The following RIMBP2 variants were observed in gnomAD, a reference collection of about 807,000 sequenced individuals.
RIMBP2 encodes the protein RIMS-binding protein 2.
A neutral mutation model predicts 118.6 loss-of-function variants in RIMBP2; 48 were observed. That is an observed-to-expected ratio of 0.40 (90% confidence interval 0.32 to 0.51). The LOEUF is 0.51. Among genes scored for constraint, RIMBP2 ranks in the 20% least tolerant of loss-of-function variants. The pLI is 0.41. For synonymous variants in RIMBP2, 762 were observed against 742.9 expected (o/e 1.03, Z -0.42); for missense variants, 1,551 against 1,768.3 (o/e 0.88, Z 2.20).
At chr12:130,586,149 G>A (rs1052583989) in intron 2 of RIMBP2, among the ~76,000 whole-genome samples, 2 of 152,160 alleles carry the variant, frequency 1.3e-5, no homozygotes, top group Non-Finnish European at 2.9e-5. Flanking sequence ...CTTCCCTCAG[G>A]AGAATTTATA....
intron 1 of RIMBP2, among the ~76,000 whole-genome samples, chr12:130,628,739 G>C (rs1488218498): frequency 2.0e-5 from 3 of 152,286 alleles, no homozygotes; most frequent in Non-Finnish European, 2.9e-5. Flanking sequence ...GTGACTCCTT[G>C]AGTAGACCAT....
chr12:130,676,338 A>C (rs1265906055), intron 1 of RIMBP2, among the ~76,000 whole-genome samples: 1 of 132,754 alleles, frequency 7.5e-6, no homozygotes, highest in East Asian at 2.3e-4. Flanking sequence ...AAAAAAAAAA[A>C]CGGGGGCCAG....
At chr12:130,552,117 C>T (rs12580573) in intron 2 of RIMBP2, among the ~76,000 whole-genome samples, 11,459 of 152,246 alleles carry the variant, frequency 0.075, 608 homozygotes, top group South Asian at 0.16. Context: ...GATGCTAAGG[C>T]ATGGCAGACA....
At chr12:130,515,649 G>A (rs1288546938) in intron 3 of RIMBP2, among the ~76,000 whole-genome samples, 1 of 150,668 alleles carries the variant, frequency 6.6e-6, no homozygotes, top group African/African-American at 2.4e-5. Context: ...CCACCTTTTG[G>A]CTACTATAAA....
chr12:130,622,103 G>A lies in RIMBP2; in HGVS notation c.-217+6219C>T, dbSNP rs936317693. On this transcript the variant is annotated intron_variant, in intron 2 of 22. Transcript: ENST00000690449. The surrounding 1 kb of genome is among the most constrained non-coding windows in gnomAD (Gnocchi z 8.5). Reference sequence around the variant, plus strand: ...AGAGCCATTTTAACTAGACATTTCCGCACAAATAAAATTAGGCCGAGACAG... The same window carrying A: ...AGAGCCATTTTAACTAGACATTTCCACACAAATAAAATTAGGCCGAGACAG... Among the ~76,000 whole-genome samples the A allele has an allele frequency of 8.5e-5, 13 of 152,160 alleles. No individual in the cohort carries two copies. Among genetic ancestry groups the A allele is most frequent in the Admixed American group, 1.3e-4 (2 of 15,282 alleles).
intron 1 of RIMBP2, among the ~76,000 whole-genome samples, chr12:130,674,228 T>C (rs1022633791): frequency 1.3e-5 from 2 of 152,212 alleles, no homozygotes; most frequent in Non-Finnish European, 1.5e-5. Context: ...GCTCCAGCCA[T>C]GTAAGACATG....
chr12:130,549,926 T>C (rs569176294), intron 2 of RIMBP2, among the ~76,000 whole-genome samples: 1 of 152,010 alleles, frequency 6.6e-6, no homozygotes, highest in African/African-American at 2.4e-5. Flanking sequence ...CTTTGAGGAG[T>C]CGCCATACTG....
intron 4 of RIMBP2, among the ~76,000 whole-genome samples, chr12:130,486,810 C>A (rs1046135754): frequency 1.3e-5 from 2 of 152,146 alleles, no homozygotes; most frequent in Non-Finnish European, 1.5e-5. Flanking sequence ...CCTCATCTCT[C>A]CCCTAGACTA....
At chr12:130,646,129 CTCCACCTCCCTCACCACCTG>C (rs2062901612) in intron 1 of RIMBP2, among the ~76,000 whole-genome samples, 1 of 109,780 alleles carries the variant, frequency 9.1e-6, no homozygotes, top group African/African-American at 3.1e-5. Context: ...CCACCTGCCT[CTCCACCTCCCTCACCACCTG>C]CCTCTCCACC....
chr12:130,571,959 A>G (rs2057703711), intron 2 of RIMBP2, among the ~76,000 whole-genome samples: 2 of 152,154 alleles, frequency 1.3e-5, no homozygotes, highest in Admixed American at 1.3e-4. Flanking sequence ...CTGCACTCAG[A>G]TGGTCGGCCT....
chr12:130,622,385 C>T lies in RIMBP2; in HGVS notation c.-217+5937G>A, dbSNP rs1305193886. Among the ~76,000 whole-genome samples the T allele has an allele frequency of 6.6e-6, 1 of 152,146 alleles. No individual in the cohort carries two copies. The highest frequency in any genetic ancestry group is 2.4e-5 in the African/African-American group (1 of 41,444). On this transcript the variant is annotated intron_variant, in intron 2 of 22. Coordinates refer to ENST00000690449, the MANE Select transcript of RIMBP2 (RefSeq NM_001393629.1). The surrounding 1 kb of genome is among the most constrained non-coding windows in gnomAD (Gnocchi z 8.5). The stretch of plus-strand genomic sequence containing the variant: ...TACATAATTATATTGAAAAAGGAAA[C>T]TACATATAACACAAAACTGTTGGTT...
intron 2 of RIMBP2, among the ~76,000 whole-genome samples, chr12:130,544,395 T>C (rs1216918711): frequency 6.6e-6 from 1 of 152,206 alleles, no homozygotes; most frequent in African/African-American, 2.4e-5. Flanking sequence ...AGCCTGATCC[T>C]ACTCATTGAT....
chr12:130,682,258 G>A (rs148812988), intron 1 of RIMBP2, among the ~76,000 whole-genome samples: 9 of 152,116 alleles, frequency 5.9e-5, no homozygotes, highest in African/African-American at 1.2e-4. Flanking sequence ...AGAGAGCCTC[G>A]TCTGCTCTCC....
At chr12:130,535,377 T>C (rs1011497283) in intron 2 of RIMBP2, among the ~76,000 whole-genome samples, 4 of 151,874 alleles carry the variant, frequency 2.6e-5, no homozygotes, top group African/African-American at 9.7e-5. Context: ...TAGCAGGGCA[T>C]GGTGGCACAC....
intron 1 of RIMBP2, among the ~76,000 whole-genome samples, chr12:130,655,150 G>A (rs1033723978): frequency 1.3e-5 from 2 of 152,216 alleles, no homozygotes; most frequent in Non-Finnish European, 2.9e-5. Context: ...TCTACAGGGA[G>A]AGAATGGGGT....
Position 130,683,042 on chromosome 12 carries a change from G to A in RIMBP2, c.-352+33180C>T, listed in dbSNP as rs1043488892. Among the ~76,000 whole-genome samples, 16 of 152,174 alleles carry A rather than the reference G, an allele frequency of 1.1e-4. No individual in the cohort carries two copies. Among genetic ancestry groups the A allele is most frequent in the East Asian group, 3.8e-4 (2 of 5,202 alleles). ...ATTCTTTTATCTTTAAGGTGAGGTCGTAGTAGTTGAATAGTGCCTTCCCCA... is the reference window on the plus strand; with the variant it reads ...ATTCTTTTATCTTTAAGGTGAGGTCATAGTAGTTGAATAGTGCCTTCCCCA... On this transcript the variant is annotated intron_variant, in intron 1 of 22. Coordinates refer to ENST00000690449, the MANE Select transcript of RIMBP2 (RefSeq NM_001393629.1). The surrounding 1 kb of genome is among the most constrained non-coding windows in gnomAD (Gnocchi z 4.4).
chr12:130,444,496 C>T (rs1211191736), intron 10 of RIMBP2, among the ~76,000 whole-genome samples: 1 of 152,156 alleles, frequency 6.6e-6, no homozygotes, highest in South Asian at 2.1e-4. Flanking sequence ...GCTATTTGTC[C>T]AGGGCAGTTG....
At chr12:130,625,775 C>T (rs1268202691) in intron 2 of RIMBP2, among the ~76,000 whole-genome samples, 1 of 152,124 alleles carries the variant, frequency 6.6e-6, no homozygotes, top group East Asian at 1.9e-4. Flanking sequence ...CCCAGAATGA[C>T]CAAAATTTAA....
chr12:130,438,677 G>GT (rs1336267342), intron 11 of RIMBP2, among the ~76,000 whole-genome samples, 161 bp from the exon 12 acceptor site: 3 of 152,002 alleles, frequency 2.0e-5, no homozygotes, highest in African/African-American at 7.2e-5. Context: ...CTGTGGTGAG[G>GT]TGGGAGGGTG....
Sources: allele counts gnomAD v4.1 joint callset (sites outside exome capture counted in the v4.1 genomes callset), GRCh38; gene constraint gnomAD v4.1.1; non-coding constraint Gnocchi (gnomAD v3.1); transcripts MANE v1.5; gene names NCBI Gene and HGNC (gene_info 2026-07-23, HGNC 2026-07-21).